Variants in GSC observed in about 807,000 individuals in gnomAD.
GSC encodes goosecoid homeobox.
In GSC, 13 loss-of-function variants were observed where a neutral mutation model predicts 24.5. The observed-to-expected ratio is 0.53, with a 90% CI of 0.35 to 0.84. The LOEUF (loss-of-function observed/expected upper bound fraction) is 0.84, where lower values mean the gene tolerates loss of function less well. Ranked by LOEUF, GSC falls within the 40% of genes least tolerant of loss-of-function variation. The probability of loss-of-function intolerance (pLI) is 0.01; values close to 1 mark genes in which losing one functional copy is unlikely to be tolerated. For missense variants in GSC, 382 were observed against 384.2 expected (o/e 0.99, Z 0.05); for synonymous variants, 199 against 182.1 (o/e 1.09, Z -0.75).
chr14:94,769,383 G>A (rs893511874), intron 1 of GSC, among the ~76,000 whole-genome samples, 166 bp from the exon 2 acceptor site: 1 of 152,212 alleles, frequency 6.6e-6, no homozygotes, highest in African/African-American at 2.4e-5. Flanking sequence ...AGGCGTGTTA[G>A]AGCATCCATC....
In GSC at chr14:94,770,019, C is replaced by T. The variant is rs1357633797; in HGVS notation, c.-4G>A. ...TGCTGAACATGCTGGCGGGCATCCC[C>T]GAGCCCCGCGTCGGGACCGGGGGGC... On this transcript the variant is annotated 5_prime_UTR_variant, in exon 1 of 3. Coordinates refer to ENST00000238558, the MANE Select transcript of GSC (RefSeq NM_173849.3). 1.3e-6 allele frequency: 2 copies of T among 1,548,476 alleles called. No individual in the cohort carries two copies. Among genetic ancestry groups the T allele is most frequent in the African/African-American group, 1.4e-5 (1 of 73,124 alleles).
At position 94,769,868 on chromosome 14, in the gene GSC, C is replaced by T; in HGVS notation, c.148G>A (p.Ala50Thr). Residue 50 changes from alanine (A) to threonine (T), a missense_variant, in exon 1 of 3, where the codon GCC becomes ACC. By Grantham distance (58) the Ala-to-Thr change is moderately conservative. Transcript: ENST00000238558. The part of the protein sequence containing the change: ...GDSLYGASGG[A>T]SSDYGAFYPR... ...TAGAAGGCGCCATAGTCCGAGGAGG[C>T]GCCGCCGCTGGCGCCGTAGAGCGAG... 3.4e-6 allele frequency: 5 copies of T among 1,488,960 alleles called. No individual in the cohort carries two copies. Among genetic ancestry groups the T allele is most frequent in the African/African-American group, 1.5e-5 (1 of 68,290 alleles). 92.2% of individuals were successfully genotyped at this position (1,488,960 alleles called of 1,614,324 possible).
At position 94,769,240 on chromosome 14, in the gene GSC, G is replaced by T. The variant is rs909935101; in HGVS notation, c.356-23C>A. On this transcript the variant is annotated intron_variant, in intron 1 of 2. Transcript: ENST00000238558. ...AGCCTGCGACAGAGTGGGGCGCACG[G>T]TCAGCCGCCCGCCCTCGCCACCGCA... 1.3e-6 allele frequency: 2 copies of T among 1,545,884 alleles called. 1 individual carries two copies. Among genetic ancestry groups the T allele is most frequent in the Middle Eastern group, 4.5e-4 (2 of 4,462 alleles).
Position 94,769,106 on chromosome 14 carries a change from T to A in GSC, c.467A>T (p.His156Leu), listed in dbSNP as rs1490614477. 1 of 1,588,104 alleles carries A rather than the reference T, an allele frequency of 6.3e-7. No homozygotes were observed. The highest frequency in any genetic ancestry group is 8.6e-7 in the Non-Finnish European group (1 of 1,167,840). The change falls in exon 2 of 3, where the codon CAC becomes CTC. Residue 156 changes from histidine (H) to leucine (L), a missense_variant. Transcript: ENST00000238558. ...GCGGTGCCGCCGCTTCCGCCGACAG[T>A]GCAGCTGGTTGAGAAGCTGCAGCTC... Reference protein sequence around the residue: ...RTELQLLNQLHCRRKRRHRTI... With the variant: ...RTELQLLNQLLCRRKRRHRTI...
chr14:94,769,530 T>A (rs1371317766), intron 1 of GSC, 131 bp downstream of exon 1: 1 of 1,319,830 alleles, frequency 7.6e-7, no homozygotes, highest in Non-Finnish European at 9.9e-7. Context: ...TGCAAACTCC[T>A]GCGCCCGATC....
chr14:94,769,423 T>TCAAAA lies in GSC; in HGVS notation c.356-211_356-207dup, dbSNP rs372026110. 0.016 allele frequency among the ~76,000 whole-genome samples: 2,502 copies of TCAAAA among 152,008 alleles called. 68 individuals are homozygous for TCAAAA. Among genetic ancestry groups the TCAAAA allele is most frequent in the African/African-American group, 0.054 (2,255 of 41,384 alleles). On this transcript the variant is annotated intron_variant, in intron 1 of 2. Transcript: ENST00000238558. Reference sequence around the variant, plus strand: ...CACCCGCCAAAGCCAGTAAGAGAATTCAAAACAAAACAAAACAAAACAAAA... The same window carrying TCAAAA: ...CACCCGCCAAAGCCAGTAAGAGAATTCAAAACAAAACAAAACAAAACAAAACAAAA...
Position 94,769,876 on chromosome 14 carries a change from C to A in GSC, c.140G>T (p.Ser47Ile). 3 of 1,499,572 alleles carry A rather than the reference C, an allele frequency of 2.0e-6. No homozygotes were observed. The highest frequency in any genetic ancestry group is 2.6e-6 in the Non-Finnish European group (3 of 1,132,452). The allele number at this position is 1,499,572 out of a possible 1,614,324, so 92.9% of individuals were successfully genotyped here. A position where few individuals can be genotyped will look rare whatever the true frequency, so the allele number is the denominator to read the frequency against. Reference sequence around the variant, plus strand: ...GCCATAGTCCGAGGAGGCGCCGCCGCTGGCGCCGTAGAGCGAGTCCCCGTG... The same window carrying A: ...GCCATAGTCCGAGGAGGCGCCGCCGATGGCGCCGTAGAGCGAGTCCCCGTG... The part of the protein sequence containing the change: ...ALHGDSLYGA[S>I]GGASSDYGAF... Residue 47 changes from serine to isoleucine, a missense_variant, in exon 1 of 3, where the codon AGC becomes ATC. Transcript: ENST00000238558.
Position 94,769,767 on chromosome 14 carries a change from G to A in GSC, c.249C>T (p.Tyr83=). ...VSGSRLGYNN[Y]FYGQLHVQAA... ...CCTGCACGTGCAGCTGCCCGTAGAA[G>A]TAGTTGTTGTAGCCGAGGCGGGAGC... Residue 83 remains tyrosine, a synonymous_variant, in exon 1 of 3, where the codon TAC becomes TAT. Coordinates refer to ENST00000238558, the MANE Select transcript of GSC (RefSeq NM_173849.3). 6.9e-7 allele frequency: 1 copy of A among 1,441,878 alleles called. No homozygotes were observed. Among genetic ancestry groups the A allele is most frequent in the Non-Finnish European group, 9.0e-7 (1 of 1,107,060 alleles). The allele number at this position is 1,441,878 out of a possible 1,614,324, so 89.3% of individuals were successfully genotyped here.
Position 94,768,416 on chromosome 14 carries a change from G to T in GSC, c.*75C>A, listed in dbSNP as rs138867999. On this transcript the variant is annotated 3_prime_UTR_variant, in exon 3 of 3. Coordinates refer to ENST00000238558, the MANE Select transcript of GSC (RefSeq NM_173849.3). ...CCCCCTCCCGCAAGGCAGCGCGTGTGCAAGAAAGTAGCATCGTCTGTCTGT... is the reference window on the plus strand; with the variant it reads ...CCCCCTCCCGCAAGGCAGCGCGTGTTCAAGAAAGTAGCATCGTCTGTCTGT... The T allele has an allele frequency of 2.5e-3, 3,922 of 1,546,810 alleles. 10 individuals carry two copies. The highest frequency in any genetic ancestry group is 5.3e-3 in the Middle Eastern group (31 of 5,898).
Position 94,769,021 on chromosome 14 carries a change from G to A in GSC, c.552C>T (p.Tyr184=), listed in dbSNP as rs117555620. The A allele has an allele frequency of 1.1e-3, 1,823 of 1,597,246 alleles. 39 individuals carry two copies. In the East Asian group the frequency reaches 0.031, roughly 28 times the overall value. Residue 184 remains tyrosine (Y), a synonymous_variant, in exon 2 of 3, where the codon TAC becomes TAT. Coordinates refer to ENST00000238558, the MANE Select transcript of GSC (RefSeq NM_173849.3). ...GCTGCTCGCGCGTGCCCACGTCCGG[G>A]TACTTGGTCTCCTGGAAGAGGTTCT... is the stretch of plus-strand genomic sequence containing the variant. ...ALENLFQETK[Y]PDVGTREQLA...
rs1595156691 is a variant in GSC, at chr14:94,768,319, C to G, written c.*172G>C. 1 of 813,806 alleles carries G rather than the reference C, an allele frequency of 1.2e-6. No homozygotes were observed. The highest frequency in any genetic ancestry group is 2.0e-6 in the Non-Finnish European group (1 of 497,284). The allele number at this position is 813,806 out of a possible 1,614,324, so 50.4% of individuals were successfully genotyped here. On this transcript the variant is annotated 3_prime_UTR_variant, in exon 3 of 3. Coordinates refer to ENST00000238558, the MANE Select transcript of GSC (RefSeq NM_173849.3). Reference sequence around the variant, plus strand: ...GGCGGCCTCGGGCTGCTGGGCTGTGCGCGCCCTGACCCCAGACGCCGACCC... The same window carrying G: ...GGCGGCCTCGGGCTGCTGGGCTGTGGGCGCCCTGACCCCAGACGCCGACCC...
intron 2 of GSC, 47 bp from the exon 3 acceptor site, chr14:94,768,696 C>G: frequency 6.2e-7 from 1 of 1,605,792 alleles, no homozygotes; most frequent in Non-Finnish European, 8.5e-7. Flanking sequence ...AGGCGCGCTT[C>G]CCCCAGTCCC....
chr14:94,768,362 A>C lies in GSC; in HGVS notation c.*129T>G. 2 of 1,259,930 alleles carry C rather than the reference A, an allele frequency of 1.6e-6. No individual in the cohort carries two copies. Among genetic ancestry groups the C allele is most frequent in the Admixed American group, 1.7e-5 (1 of 57,218 alleles). The allele number at this position is 1,259,930 out of a possible 1,614,324, so 78.0% of individuals were successfully genotyped here. ...GCCGACCCTCCCGGCTCTGTACACT[A>C]TTTACAGCTCCTCGTTCCTCTTTCT... is the stretch of plus-strand genomic sequence containing the variant. On this transcript the variant is annotated 3_prime_UTR_variant, in exon 3 of 3. Transcript: ENST00000238558.
intron 1 of GSC, 147 bp from the exon 2 acceptor site, chr14:94,769,364 A>G: frequency 3.6e-6 from 4 of 1,106,622 alleles, no homozygotes; most frequent in Non-Finnish European, 5.1e-6. Flanking sequence ...GGGTGCAGGG[A>G]AAAGGAGGAG....
chr14:94,768,532 T>C lies in GSC; in HGVS notation c.733A>G (p.Arg245Gly), dbSNP rs1885214654. The C allele has an allele frequency of 6.2e-7, 1 of 1,614,068 alleles. No individual in the cohort carries two copies. Among genetic ancestry groups the C allele is most frequent in the African/African-American group, 1.3e-5 (1 of 74,924 alleles). Residue 245 changes from arginine to glycine, a missense_variant, in exon 3 of 3, where the codon AGG (arginine) becomes GGG (glycine). Arg to Gly is a moderately radical substitution (Grantham distance 125). Transcript: ENST00000238558. ...AAATCGCTTTTACCTTCCTCTTCCC[T>C]CTTCTCCGGTGACGCCTTCGACGAC... ...TSSSKASPEKREEEGKSDLDS... is the reference protein window; with the variant it reads ...TSSSKASPEKGEEEGKSDLDS...
At position 94,769,708 on chromosome 14, in the gene GSC, A is replaced by T; in HGVS notation, c.308T>A (p.Val103Glu). 1 of 1,446,924 alleles carries T rather than the reference A, an allele frequency of 6.9e-7. No individual in the cohort carries two copies. Among genetic ancestry groups the T allele is most frequent in the Non-Finnish European group, 9.0e-7 (1 of 1,108,646 alleles). 89.6% of individuals were successfully genotyped at this position (1,446,924 alleles called of 1,614,324 possible). A position where few individuals can be genotyped will look rare whatever the true frequency, so the allele number is the denominator to read the frequency against. ...APVGPACCGAVPPLGAQQCSC... is the reference protein window; with the variant it reads ...APVGPACCGAEPPLGAQQCSC... The stretch of plus-strand genomic sequence containing the variant: ...GCACTGCTGGGCGCCCAGCGGCGGC[A>T]CGGCCCCGCAGCAGGCCGGGCCCAC... Residue 103 changes from valine to glutamate, a missense_variant, in exon 1 of 3, where the codon GTG becomes GAG. Physicochemically the swap from Val to Glu is moderately radical, Grantham distance 121. Coordinates refer to ENST00000238558, the MANE Select transcript of GSC (RefSeq NM_173849.3).
At position 94,769,133 on chromosome 14, in the gene GSC, G is replaced by A; in HGVS notation, c.440C>T (p.Thr147Ile). ...CAGCTGGTTGAGAAGCTGCAGCTCG[G>A]TGCGCGACAGCGTGCCCACGTTCAT... ...PYMNVGTLSR[T>I]ELQLLNQLHC... Residue 147 changes from threonine to isoleucine, a missense_variant, in exon 2 of 3, where the codon ACC becomes ATC. Transcript: ENST00000238558. 5 of 1,575,382 alleles carry A rather than the reference G, an allele frequency of 3.2e-6. No individual in the cohort carries two copies. Among genetic ancestry groups the A allele is most frequent in the Non-Finnish European group, 4.3e-6 (5 of 1,161,066 alleles).
Position 94,768,616 on chromosome 14 carries a change from G to A in GSC, c.649C>T (p.Arg217Trp), listed in dbSNP as rs1885216936. Residue 217 changes from arginine to tryptophan, a missense_variant, in exon 3 of 3, where the codon CGG (arginine) becomes TGG (tryptophan). Physicochemically the swap from Arg to Trp is moderately radical, Grantham distance 101. Coordinates refer to ENST00000238558, the MANE Select transcript of GSC (RefSeq NM_173849.3). The stretch of plus-strand genomic sequence containing the variant: ...TCCTCTGATGAGGACCGCTTCTGCC[G>A]CCTCCATTTGGCGCGGCGGTTCTTA... ...WFKNRRAKWR[R>W]QKRSSSEESE... The A allele has an allele frequency of 1.2e-6, 2 of 1,613,938 alleles. No individual in the cohort carries two copies. The highest frequency in any genetic ancestry group is 1.7e-6 in the Non-Finnish European group (2 of 1,180,034).
At chr14:94,769,628 G>C in intron 1 of GSC, 33 bp downstream of exon 1, 1 of 1,403,216 alleles carries the variant, frequency 7.1e-7, no homozygotes, top group Non-Finnish European at 9.2e-7. Context: ...GGACCGCAGT[G>C]GGCGGCAGAG....
Sources: gnomAD v4.1 joint callset for allele counts (sites outside exome capture counted in the v4.1 genomes callset) on GRCh38, gnomAD v4.1.1 for gene constraint, MANE v1.5 for transcripts, NCBI Gene and HGNC (gene_info 2026-07-23, HGNC 2026-07-21) for gene names.